The following GPC6 variants were observed in gnomAD, a reference collection of about 807,000 sequenced individuals.
GPC6 encodes the protein glypican-6.
In GPC6, 14 loss-of-function variants were observed where a neutral mutation model predicts 55.2. The ratio of observed to expected loss-of-function variants is 0.25; its 90% CI spans 0.17 to 0.40. The LOEUF is 0.40. Among genes scored for constraint, GPC6 ranks in the 10% least tolerant of loss-of-function variants. The pLI, the probability that GPC6 is intolerant of heterozygous loss-of-function variation, is 1.00. For missense variants in GPC6, 641 were observed against 708.5 expected (o/e 0.90, Z 1.08); for synonymous variants, 278 against 259.6 (o/e 1.07, Z -0.68).
At chr13:94,086,273 G>A (rs780431550) in intron 4 of GPC6, among the ~76,000 whole-genome samples, 1 of 152,138 alleles carries the variant, frequency 6.6e-6, no homozygotes, top group Non-Finnish European at 1.5e-5. Context: ...TGTCTTGAGT[G>A]CTAGAGTAGG....
At chr13:94,106,989 C>A (rs952350565) in intron 4 of GPC6, among the ~76,000 whole-genome samples, 1 of 152,070 alleles carries the variant, frequency 6.6e-6, no homozygotes, top group Non-Finnish European at 1.5e-5. Flanking sequence ...AAAAGGAAAG[C>A]AAACACAGAT....
At chr13:93,842,129 T>A (rs1887975465) in intron 3 of GPC6, among the ~76,000 whole-genome samples, 1 of 152,164 alleles carries the variant, frequency 6.6e-6, no homozygotes, top group Non-Finnish European at 1.5e-5. Context: ...TTAATGAAAA[T>A]GGACAACATT....
rs150023233 is a variant in GPC6, at chr13:93,227,520, G to C, written c.64G>C (p.Gly22Arg). The change falls in exon 1 of 9, where the codon GGG becomes CGG. Residue 22 changes from glycine to arginine, a missense_variant. Coordinates refer to ENST00000377047, the MANE Select transcript of GPC6 (RefSeq NM_005708.5). The surrounding 1 kb of genome is among the most constrained non-coding windows in gnomAD (Gnocchi z 4.3). Reference sequence around the variant, plus strand: ...GGGGCTGCTGCTCTCCCTCCCCGCCGGGGCGGATGTGAAGGCTCGGAGCTG... The same window carrying C: ...GGGGCTGCTGCTCTCCCTCCCCGCCCGGGCGGATGTGAAGGCTCGGAGCTG... ...LLGLLLSLPA[G>R]ADVKARSCGE... 3 of 1,613,820 alleles carry C rather than the reference G, an allele frequency of 1.9e-6. No homozygotes were observed. The highest frequency in any genetic ancestry group is 1.7e-5 in the Admixed American group (1 of 60,026).
chr13:94,389,819 C>T (rs1880568025), intron 7 of GPC6, among the ~76,000 whole-genome samples: 1 of 152,208 alleles, frequency 6.6e-6, no homozygotes, highest in Admixed American at 6.5e-5. Context: ...ACTGACAAAA[C>T]AGCTTTCTGA....
chr13:93,777,211 G>T (rs899627008), intron 2 of GPC6, among the ~76,000 whole-genome samples: 2 of 152,166 alleles, frequency 1.3e-5, no homozygotes, highest in Admixed American at 6.5e-5. Context: ...AGGCGATCAA[G>T]CAAGTTTTAA....
intron 2 of GPC6, among the ~76,000 whole-genome samples, chr13:93,819,417 T>C (rs903593683): frequency 1.3e-5 from 2 of 152,178 alleles, no homozygotes; most frequent in Admixed American, 1.3e-4. Context: ...GGAAACCTAA[T>C]TGCCTCTTAC....
chr13:93,813,662 T>TA (rs1185513840), intron 2 of GPC6, among the ~76,000 whole-genome samples: 1 of 152,148 alleles, frequency 6.6e-6, no homozygotes, highest in African/African-American at 2.4e-5. Flanking sequence ...TTAAAATAAA[T>TA]AAAGTATTGG....
At position 94,216,132 on chromosome 13, in the gene GPC6, G is replaced by A. The variant is rs538712864; in HGVS notation, c.878-70217G>A. 7.9e-5 allele frequency among the ~76,000 whole-genome samples: 12 copies of A among 152,290 alleles called. No homozygotes were observed. In the South Asian group the frequency reaches 1.0e-3, roughly 13 times the overall value. ...TTTTATCTTTGTAAGTTCCTGCACT[G>A]CATTCCTCATTGTATTCATTTCTCT... On this transcript the variant is annotated intron_variant, in intron 4 of 8. Transcript: ENST00000377047.
chr13:93,905,077 CTTTT>C (rs11308770), intron 3 of GPC6, among the ~76,000 whole-genome samples: 1 of 133,834 alleles, frequency 7.5e-6, no homozygotes, highest in Admixed American at 7.5e-5. Flanking sequence ...AGCATTCTCT[CTTTT>C]TTTTTTTTTT....
intron 2 of GPC6, among the ~76,000 whole-genome samples, chr13:93,553,386 TG>T (rs1310914001): frequency 6.6e-6 from 1 of 152,004 alleles, no homozygotes; most frequent in Non-Finnish European, 1.5e-5. Flanking sequence ...AATACTGCGA[TG>T]GGCAGGTAGA....
chr13:93,732,717 T>C (rs902415480), intron 2 of GPC6, among the ~76,000 whole-genome samples: 8 of 152,184 alleles, frequency 5.3e-5, no homozygotes, highest in Non-Finnish European at 1.2e-4. Flanking sequence ...GATGTGTCAC[T>C]AGATTTTGTC....
chr13:93,997,502 ACCT>A (rs1881608277), intron 3 of GPC6, among the ~76,000 whole-genome samples: 1 of 151,750 alleles, frequency 6.6e-6, no homozygotes, highest in African/African-American at 2.4e-5. Flanking sequence ...ATGGTAGAAG[ACCT>A]CCTCTCCAAA....
At chr13:93,252,151 G>T (rs963194665) in intron 1 of GPC6, among the ~76,000 whole-genome samples, 2 of 152,190 alleles carry the variant, frequency 1.3e-5, no homozygotes, top group East Asian at 3.9e-4. Context: ...CTGAGATGGA[G>T]CCCAAATTGT....
At chr13:93,471,508 G>A (rs538238760) in intron 1 of GPC6, among the ~76,000 whole-genome samples, 77 of 152,132 alleles carry the variant, frequency 5.1e-4, no homozygotes, top group Middle Eastern at 3.4e-3. Flanking sequence ...GCGACAGAGC[G>A]AGACTCCATC....
At chr13:93,264,581 T>C (rs1261696143) in intron 1 of GPC6, among the ~76,000 whole-genome samples, 1 of 152,044 alleles carries the variant, frequency 6.6e-6, no homozygotes, top group African/African-American at 2.4e-5. Flanking sequence ...GGCTAACTTT[T>C]TAATTTTTCG....
At chr13:94,020,359 G>A (rs1302930498) in intron 3 of GPC6, among the ~76,000 whole-genome samples, 1 of 152,108 alleles carries the variant, frequency 6.6e-6, no homozygotes, top group African/African-American at 2.4e-5. Context: ...TTGTACGATT[G>A]CAATCTTTTC....
chr13:93,747,710 A>G (rs531331574), intron 2 of GPC6, among the ~76,000 whole-genome samples: 1 of 152,334 alleles, frequency 6.6e-6, no homozygotes, highest in African/African-American at 2.4e-5. Flanking sequence ...ACTGTGGGCT[A>G]ATGTAAGCAT....
intron 4 of GPC6, among the ~76,000 whole-genome samples, chr13:94,110,938 A>G (rs914779298): frequency 2.6e-4 from 40 of 152,076 alleles, no homozygotes; most frequent in Admixed American, 2.6e-3. Context: ...GATAGTGCTG[A>G]CTTGTTCTCT....
chr13:93,365,186 C>T (rs917606693), intron 1 of GPC6, among the ~76,000 whole-genome samples: 1 of 152,082 alleles, frequency 6.6e-6, no homozygotes, highest in Non-Finnish European at 1.5e-5. Context: ...TTTATCCATT[C>T]AAAGAGGGAA....
Sources: allele counts gnomAD v4.1 joint callset (sites outside exome capture counted in the v4.1 genomes callset), GRCh38; gene constraint gnomAD v4.1.1; non-coding constraint Gnocchi (gnomAD v3.1); transcripts MANE v1.5; gene names NCBI Gene and HGNC (gene_info 2026-07-23, HGNC 2026-07-21).